ADAMTS16: variants seen among roughly 807,000 people sequenced by gnomAD.
ADAMTS16 encodes the protein A disintegrin and metalloproteinase with thrombospondin motifs 16.
Under a neutral mutation model 145.8 loss-of-function variants are expected in ADAMTS16, and 94 were observed. The observed-to-expected ratio is 0.64, with a 90% CI of 0.55 to 0.77. The LOEUF is 0.77. Ranked by LOEUF, ADAMTS16 falls within the 30% of genes least tolerant of loss-of-function variation. The pLI is 0.00. For missense variants in ADAMTS16, 1,585 were observed against 1,591.5 expected, an observed-to-expected ratio of 1.00 and a Z score of 0.07; for synonymous variants, 659 against 604.3, an observed-to-expected ratio of 1.09 and a Z score of -1.33.
chr5:5,164,578 C>A (rs1320291312), intron 3 of ADAMTS16, among the ~76,000 whole-genome samples: 2 of 152,344 alleles, frequency 1.3e-5, no homozygotes, highest in Admixed American at 1.3e-4. Flanking sequence ...GGAAGCACCA[C>A]GGTGTGGAGG....
At chr5:5,183,539 G>A (rs537164918) in intron 4 of ADAMTS16, among the ~76,000 whole-genome samples, 10 of 152,336 alleles carry the variant, frequency 6.6e-5, no homozygotes, top group South Asian at 4.1e-4. Flanking sequence ...TAGCAGGGCC[G>A]TCTTAACCGC....
At chr5:5,146,495 G>T (rs1015403311) in intron 3 of ADAMTS16, 40 bp downstream of exon 3, 1 of 1,555,992 alleles carries the variant, frequency 6.4e-7, no homozygotes, top group East Asian at 2.3e-5. Flanking sequence ...GGCGAGGTTG[G>T]TGATGGTGGA....
chr5:5,319,864 TTA>T lies in ADAMTS16; in HGVS notation c.*728_*729del, dbSNP rs1433027891. On this transcript the variant is annotated 3_prime_UTR_variant, in exon 23 of 23. Coordinates refer to ENST00000274181, the MANE Select transcript of ADAMTS16 (RefSeq NM_139056.4). Reference sequence around the variant, plus strand: ...CATTGAAGGAGAGATTTTTTATACTTTATGTTTTATCTTTCTCAGTTATTTGC... The same window carrying T: ...CATTGAAGGAGAGATTTTTTATACTTTGTTTTATCTTTCTCAGTTATTTGC... 8.8e-6 allele frequency: 4 copies of T among 455,858 alleles called. No individual in the cohort carries two copies. The highest frequency in any genetic ancestry group is 1.8e-5 in the Non-Finnish European group (4 of 226,754). The allele number at this position is 455,858 out of a possible 1,614,324, so 28.2% of individuals were successfully genotyped here. A position where few individuals can be genotyped will look rare whatever the true frequency, so the allele number is the denominator to read the frequency against.
intron 18 of ADAMTS16, among the ~76,000 whole-genome samples, chr5:5,290,779 A>G (rs1478720563): frequency 6.6e-6 from 1 of 152,108 alleles, no homozygotes; most frequent in African/African-American, 2.4e-5. Flanking sequence ...GAAATGAAGG[A>G]TTTGTAAGAG....
intron 3 of ADAMTS16, 106 bp from the exon 4 acceptor site, chr5:5,181,938 G>A (rs1735349815): frequency 9.9e-6 from 13 of 1,310,740 alleles, no homozygotes; most frequent in Non-Finnish European, 1.4e-5. Flanking sequence ...GGAGGGAACA[G>A]CATGCTTCCA....
intron 21 of ADAMTS16, among the ~76,000 whole-genome samples, chr5:5,313,565 G>C (rs1175047832): frequency 6.6e-6 from 1 of 152,206 alleles, no homozygotes; most frequent in East Asian, 1.9e-4. Flanking sequence ...CCTCAGTGCT[G>C]GGCAGTGTGG....
chr5:5,308,975 G>C (rs1424539488), intron 21 of ADAMTS16, among the ~76,000 whole-genome samples: 1 of 150,098 alleles, frequency 6.7e-6, no homozygotes, highest in Admixed American at 6.6e-5. Context: ...AAAGCAGATT[G>C]GATCACATGA....
chr5:5,261,015 C>A (rs548998118), intron 17 of ADAMTS16, among the ~76,000 whole-genome samples: 1 of 152,176 alleles, frequency 6.6e-6, no homozygotes, highest in East Asian at 1.9e-4. Flanking sequence ...AACAGGTGTT[C>A]CACCCAATCC....
Position 5,319,843 on chromosome 5 carries a change from G to A in ADAMTS16, c.*705G>A, listed in dbSNP as rs529769433. 2 of 455,262 alleles carry A rather than the reference G, an allele frequency of 4.4e-6. No individual in the cohort carries two copies. Among genetic ancestry groups the A allele is most frequent in the African/African-American group, 4.0e-5 (2 of 50,004 alleles). The allele number at this position is 455,262 out of a possible 1,614,324, so 28.2% of individuals were successfully genotyped here. ...TCTATCTCTTTCAGATTCATGCATT[G>A]AAGGAGAGATTTTTTATACTTTATG... On this transcript the variant is annotated 3_prime_UTR_variant, in exon 23 of 23. Coordinates refer to ENST00000274181, the MANE Select transcript of ADAMTS16 (RefSeq NM_139056.4).
chr5:5,182,404 G>A, intron 4 of ADAMTS16, 99 bp downstream of exon 4: 1 of 1,470,164 alleles, frequency 6.8e-7, no homozygotes, highest in Non-Finnish European at 9.1e-7. Flanking sequence ...CTGCCCACGG[G>A]GTGAAATCTA....
intron 9 of ADAMTS16, among the ~76,000 whole-genome samples, chr5:5,208,112 A>G (rs1579311637): frequency 6.6e-6 from 1 of 152,304 alleles, no homozygotes; most frequent in Middle Eastern, 3.4e-3. Context: ...GTTCTTCCCT[A>G]ATCTCTGGTA....
Position 5,214,518 on chromosome 5 carries a change from T to C in ADAMTS16, c.1605+5272T>C, listed in dbSNP as rs142684091. Among the ~76,000 whole-genome samples the C allele has an allele frequency of 7.7e-3, 1,171 of 152,300 alleles. 18 individuals are homozygous for C. The highest frequency in any genetic ancestry group is 0.026 in the African/African-American group (1,074 of 41,576). On this transcript the variant is annotated intron_variant, in intron 10 of 22. Coordinates refer to ENST00000274181, the MANE Select transcript of ADAMTS16 (RefSeq NM_139056.4). ...ACCTCTCCCTCCCAGGCTCAAGCAA[T>C]TCTCATGCTGAGTAGCTAGGGTTAC...
chr5:5,164,520 C>T (rs947295376), intron 3 of ADAMTS16, among the ~76,000 whole-genome samples: 3 of 152,138 alleles, frequency 2.0e-5, no homozygotes, highest in African/African-American at 7.2e-5. Flanking sequence ...GATTCTCTTC[C>T]AAGGGCACTC....
chr5:5,275,605 TTAGA>T (rs1163370253), intron 18 of ADAMTS16, among the ~76,000 whole-genome samples: 4 of 152,196 alleles, frequency 2.6e-5, no homozygotes, highest in Admixed American at 1.3e-4. Flanking sequence ...CTTTGTATTG[TTAGA>T]TAGTTATAGT....
At chr5:5,216,743 C>T (rs1736451170) in intron 10 of ADAMTS16, among the ~76,000 whole-genome samples, 1 of 139,844 alleles carries the variant, frequency 7.2e-6, no homozygotes, top group African/African-American at 2.7e-5. Flanking sequence ...TCTCCCGATG[C>T]TATCCCTCCC....
At chr5:5,145,630 C>T (rs766086403) in intron 2 of ADAMTS16, among the ~76,000 whole-genome samples, 11 of 152,310 alleles carry the variant, frequency 7.2e-5, no homozygotes, top group South Asian at 2.1e-4. Flanking sequence ...CAGTAAAGGA[C>T]GAATATTTTC....
intron 18 of ADAMTS16, among the ~76,000 whole-genome samples, chr5:5,279,307 G>A (rs946296508): frequency 5.9e-5 from 9 of 152,206 alleles, no homozygotes; most frequent in African/African-American, 2.2e-4. Flanking sequence ...TGGGGTGGAA[G>A]TCACTTTCCC....
At chr5:5,282,679 A>G (rs1447503386) in intron 18 of ADAMTS16, among the ~76,000 whole-genome samples, 1 of 152,242 alleles carries the variant, frequency 6.6e-6, no homozygotes, top group African/African-American at 2.4e-5. Flanking sequence ...TGTTTTTCCC[A>G]GAAGAAATAT....
intron 4 of ADAMTS16, among the ~76,000 whole-genome samples, chr5:5,183,583 C>T (rs552710387): frequency 2.0e-5 from 3 of 152,330 alleles, no homozygotes; most frequent in East Asian, 3.9e-4. Context: ...CTTAAGCAGA[C>T]GCCACAGTGG....
Sources: gnomAD v4.1 joint callset for allele counts (sites outside exome capture counted in the v4.1 genomes callset) on GRCh38, gnomAD v4.1.1 for gene constraint, MANE v1.5 for transcripts, NCBI Gene and HGNC (gene_info 2026-07-23, HGNC 2026-07-21) for gene names.